NREP: variants seen among roughly 807,000 people sequenced by gnomAD.
NREP encodes the protein neuronal regeneration related protein, also known as neuronal regeneration-related protein.
In NREP, 5 loss-of-function variants were observed where a neutral mutation model predicts 8.6. The ratio of observed to expected loss-of-function variants is 0.58; its 90% CI spans 0.30 to 1.22. The LOEUF is 1.22. Among genes scored for constraint, NREP ranks in the 50% most tolerant of loss-of-function variants. The pLI is 0.07. For missense variants in NREP, 86 were observed against 82.5 expected, an observed-to-expected ratio of 1.04 and a Z score of -0.17; for synonymous variants, 27 against 28.0, an observed-to-expected ratio of 0.96 and a Z score of 0.11.
intron 2 of NREP, among the ~76,000 whole-genome samples, chr5:111,798,651 T>G (rs944705904): frequency 5.9e-5 from 9 of 152,208 alleles, no homozygotes; most frequent in African/African-American, 2.2e-4. Context: ...AGTTACTTCA[T>G]TTGGAATAAT....
At chr5:111,893,629 T>G (rs1754443443) in intron 2 of NREP, among the ~76,000 whole-genome samples, 1 of 150,832 alleles carries the variant, frequency 6.6e-6, no homozygotes, top group South Asian at 2.1e-4. Flanking sequence ...AATATAACCC[T>G]TAACCAATTA....
intron 2 of NREP, among the ~76,000 whole-genome samples, chr5:111,767,024 A>T (rs1751100525): frequency 6.6e-6 from 1 of 152,176 alleles, no homozygotes; most frequent in African/African-American, 2.4e-5. Flanking sequence ...ATTTACTTTA[A>T]CATTCCTCCC....
intron 2 of NREP, among the ~76,000 whole-genome samples, chr5:111,821,711 T>C (rs1214779049): frequency 2.0e-5 from 3 of 152,190 alleles, no homozygotes; most frequent in Non-Finnish European, 4.4e-5. Context: ...GAGTTTCATG[T>C]CCTTTCTTTC....
At chr5:111,774,322 G>A (rs948025747) in intron 2 of NREP, among the ~76,000 whole-genome samples, 2 of 152,030 alleles carry the variant, frequency 1.3e-5, no homozygotes, top group Non-Finnish European at 2.9e-5. Flanking sequence ...TATTATGGTA[G>A]GCAGAATATT....
At chr5:111,865,351 C>G (rs1753640774) in intron 2 of NREP, among the ~76,000 whole-genome samples, 1 of 152,136 alleles carries the variant, frequency 6.6e-6, no homozygotes, top group South Asian at 2.1e-4. Flanking sequence ...AAAAAGCAAA[C>G]CAAGTATGTC....
At chr5:111,833,525 G>C (rs1331329041) in intron 2 of NREP, among the ~76,000 whole-genome samples, 1 of 152,158 alleles carries the variant, frequency 6.6e-6, no homozygotes, top group Non-Finnish European at 1.5e-5. Flanking sequence ...AAGCAATTTA[G>C]GGAGAAAACC....
At chr5:111,880,730 CT>C (rs140190021) in intron 2 of NREP, among the ~76,000 whole-genome samples, 5,523 of 92,190 alleles carry the variant, frequency 0.06, 138 homozygotes, top group African/African-American at 0.068. Flanking sequence ...GAACATAAGC[CT>C]TTTTTTTTTT....
intron 2 of NREP, among the ~76,000 whole-genome samples, chr5:111,947,960 G>C (rs1756038586): frequency 6.6e-6 from 1 of 151,986 alleles, no homozygotes; most frequent in African/African-American, 2.4e-5. Context: ...TTCTACACCT[G>C]TAAACCTCAC....
chr5:111,838,794 T>C (rs900097642), intron 2 of NREP, among the ~76,000 whole-genome samples: 2 of 152,014 alleles, frequency 1.3e-5, no homozygotes, highest in African/African-American at 2.4e-5. Context: ...ATATGTTGAA[T>C]TCATAATGAT....
chr5:111,956,963 C>A (rs916907678), intron 2 of NREP, among the ~76,000 whole-genome samples: 2 of 142,820 alleles, frequency 1.4e-5, no homozygotes, highest in African/African-American at 2.6e-5. Flanking sequence ...GACCATGTCT[C>A]TAAATAAATA....
intron 2 of NREP, among the ~76,000 whole-genome samples, chr5:111,867,814 T>C (rs759115168): frequency 2.0e-5 from 3 of 152,100 alleles, no homozygotes; most frequent in Non-Finnish European, 4.4e-5. Flanking sequence ...TTTTCTTTTT[T>C]TGAGAAAATT....
chr5:111,966,943 C>A (rs1218014288), intron 2 of NREP, among the ~76,000 whole-genome samples: 1 of 152,152 alleles, frequency 6.6e-6, no homozygotes, highest in Non-Finnish European at 1.5e-5. Flanking sequence ...TGGCTGTGCC[C>A]AAGAAAGGGT....
intron 2 of NREP, among the ~76,000 whole-genome samples, chr5:111,896,943 A>T (rs1306113073): frequency 2.0e-5 from 3 of 152,152 alleles, no homozygotes; most frequent in Non-Finnish European, 4.4e-5. Flanking sequence ...AATACCATAT[A>T]TTCTCTCAAC....
intron 2 of NREP, among the ~76,000 whole-genome samples, chr5:111,824,264 G>A (rs1395090177): frequency 6.6e-6 from 1 of 152,180 alleles, no homozygotes; most frequent in Non-Finnish European, 1.5e-5. Context: ...AGCTACTCGG[G>A]AGGCTGAGGC....
At chr5:111,909,503 C>T (rs1028289082) in intron 2 of NREP, among the ~76,000 whole-genome samples, 29 of 151,970 alleles carry the variant, frequency 1.9e-4, no homozygotes, top group African/African-American at 2.4e-5. Flanking sequence ...GCTTCTATAT[C>T]TGTTAGTGTA....
chr5:111,796,986 G>T (rs1267996364), intron 2 of NREP, among the ~76,000 whole-genome samples: 1 of 152,078 alleles, frequency 6.6e-6, no homozygotes, highest in African/African-American at 2.4e-5. Context: ...GGCCCATACT[G>T]CTAAGAGGAA....
intron 2 of NREP, among the ~76,000 whole-genome samples, chr5:111,797,459 C>A (rs754867968): frequency 1.3e-5 from 2 of 152,102 alleles, no homozygotes; most frequent in African/African-American, 4.8e-5. Context: ...GAGCACAGAC[C>A]TTACAAGTAT....
chr5:111,926,711 G>C (rs776493225), intron 2 of NREP, among the ~76,000 whole-genome samples: 2 of 151,982 alleles, frequency 1.3e-5, no homozygotes, highest in African/African-American at 2.4e-5. Context: ...TCTAGAAAGA[G>C]AGGGGGAAGA....
chr5:111,861,217 G>A (rs1753535145), intron 2 of NREP, among the ~76,000 whole-genome samples: 1 of 152,136 alleles, frequency 6.6e-6, no homozygotes, highest in African/African-American at 2.4e-5. Flanking sequence ...GTGGGTTTGG[G>A]TTCTGCTTTG....
Sources: allele counts gnomAD v4.1 joint callset (sites outside exome capture counted in the v4.1 genomes callset), GRCh38; gene constraint gnomAD v4.1.1; transcripts MANE v1.5; gene names NCBI Gene and HGNC (gene_info 2026-07-23, HGNC 2026-07-21).